The following NRXN3 variants were observed in gnomAD, a reference collection of about 807,000 sequenced individuals.
NRXN3 encodes the protein neurexin 3.
NRXN3 carries 32 observed loss-of-function variants against 137.6 expected under a neutral mutation model. The ratio of observed to expected loss-of-function variants is 0.23; its 90% CI spans 0.18 to 0.31. The LOEUF (loss-of-function observed/expected upper bound fraction) is 0.31. Ranked by LOEUF, NRXN3 falls within the 10% of genes least tolerant of loss-of-function variation. The probability of loss-of-function intolerance (pLI) is 1.00; values close to 1 mark genes in which losing one functional copy is unlikely to be tolerated. For synonymous variants in NRXN3, 798 were observed against 784.5 expected (o/e 1.02, Z -0.29); for missense variants, 1,574 against 2,062.5 (o/e 0.76, Z 4.59).
chr14:78,215,771 T>TTG (rs1555407630), intron 1 of NRXN3, among the ~76,000 whole-genome samples: 1 of 109,486 alleles, frequency 9.1e-6, no homozygotes, highest in Admixed American at 1.0e-4. Flanking sequence ...TGCAGGGGGG[T>TTG]GGGGGGGGCA....
intron 10 of NRXN3, among the ~76,000 whole-genome samples, chr14:78,901,379 T>C (rs1374028870): frequency 6.6e-6 from 1 of 152,044 alleles, no homozygotes; most frequent in Non-Finnish European, 1.5e-5. Flanking sequence ...TTTACATGTA[T>C]GTATTACCCC....
In NRXN3 at chr14:78,289,571, T is replaced by A. The variant is rs149241687; in HGVS notation, c.728-8260T>A. ...CCCTTATTATTTTACTCTCTGTTCA[T>A]GCCAAATGTGCTTGTTTTTTTTTTT... is the stretch of plus-strand genomic sequence containing the variant. On this transcript the variant is annotated intron_variant, in intron 3 of 20. Coordinates refer to ENST00000335750, the MANE Select transcript of NRXN3 (RefSeq NM_001330195.2). 2.1e-3 allele frequency among the ~76,000 whole-genome samples: 313 copies of A among 151,804 alleles called. 2 individuals carry two copies. The highest frequency in any genetic ancestry group is 7.3e-3 in the African/African-American group (301 of 41,134).
chr14:78,857,067 A>G (rs2099059407), intron 10 of NRXN3, among the ~76,000 whole-genome samples: 1 of 152,132 alleles, frequency 6.6e-6, no homozygotes, highest in Admixed American at 6.6e-5. Flanking sequence ...TCCCATGGTT[A>G]CATATGTTAT....
chr14:79,256,712 G>A (rs1161391000), intron 15 of NRXN3, among the ~76,000 whole-genome samples: 1 of 152,180 alleles, frequency 6.6e-6, no homozygotes, highest in Non-Finnish European at 1.5e-5. Context: ...AGCAGAGCAG[G>A]TGGCTTTCTC....
intron 15 of NRXN3, among the ~76,000 whole-genome samples, chr14:79,176,946 G>T (rs937600385): frequency 6.6e-6 from 1 of 152,208 alleles, no homozygotes; most frequent in African/African-American, 2.4e-5. Context: ...TGGATAGATG[G>T]ATGCATGGAC....
chr14:78,788,388 C>T (rs1002181723), intron 8 of NRXN3, among the ~76,000 whole-genome samples: 2 of 152,140 alleles, frequency 1.3e-5, no homozygotes, highest in Admixed American at 6.6e-5. Context: ...CTTTCTCCAC[C>T]CTTCTTCATT....
rs150062148 is a variant in NRXN3 at position 78,187,170 on chromosome 14, A to G, written c.-704+16496A>G. Among the ~76,000 whole-genome samples the G allele has an allele frequency of 5.7e-3, 865 of 152,306 alleles. 23 individuals carry two copies. The highest frequency in any genetic ancestry group is 2.3e-3 in the Non-Finnish European group (156 of 68,020). On this transcript the variant is annotated intron_variant, in intron 1 of 20. Coordinates refer to ENST00000335750, the MANE Select transcript of NRXN3 (RefSeq NM_001330195.2). ...TAGTGTCTTCACTTTACAAATGACAAAAACAGAGGCTCTGACAGGTTAAGT... is the reference window on the plus strand; with the variant it reads ...TAGTGTCTTCACTTTACAAATGACAGAAACAGAGGCTCTGACAGGTTAAGT...
At chr14:79,053,114 G>A (rs996478304) in intron 15 of NRXN3, among the ~76,000 whole-genome samples, 8 of 152,114 alleles carry the variant, frequency 5.3e-5, no homozygotes, top group Admixed American at 2.0e-4. Flanking sequence ...GAGATCTATG[G>A]ATGAAGAAGA....
intron 10 of NRXN3, among the ~76,000 whole-genome samples, chr14:78,856,916 A>G (rs962348072): frequency 6.6e-6 from 1 of 152,072 alleles, no homozygotes; most frequent in Non-Finnish European, 1.5e-5. Flanking sequence ...GTATTTTTGT[A>G]GAAACATGGT....
intron 16 of NRXN3, among the ~76,000 whole-genome samples, chr14:79,526,454 C>T (rs1400215507): frequency 6.6e-6 from 1 of 152,112 alleles, no homozygotes; most frequent in Non-Finnish European, 1.5e-5. Flanking sequence ...GTAGGTTTCC[C>T]AAAGCATGTG....
rs1194370132 is a variant in NRXN3 at position 78,990,107 on chromosome 14, T to C, written c.3262+1966T>C. 4.6e-5 allele frequency among the ~76,000 whole-genome samples: 7 copies of C among 152,208 alleles called. No individual in the cohort carries two copies. In the South Asian group the frequency reaches 8.3e-4, roughly 18 times the overall value. ...ATATAATGAAGCACTAGAACTTACA[T>C]TGGGAAAATGTCAGCTTTCCTTTGT... On this transcript the variant is annotated intron_variant, in intron 15 of 20. Transcript: ENST00000335750.
chr14:79,583,554 A>G lies in NRXN3; in HGVS notation c.3445-80224A>G, dbSNP rs536347620. The stretch of plus-strand genomic sequence containing the variant: ...GCTTTTGTTGGTGGAGGAAGAAGGA[A>G]GCCCCTACATGCATAGCAACGTCCA... On this transcript the variant is annotated intron_variant, in intron 16 of 20. Transcript: ENST00000335750. Among the ~76,000 whole-genome samples, 3 of 152,300 alleles carry G rather than the reference A, an allele frequency of 2.0e-5. No individual in the cohort carries two copies. The South Asian group carries it at 6.2e-4, about 32-fold the overall frequency.
chr14:79,120,299 G>A (rs1041115572), intron 15 of NRXN3, among the ~76,000 whole-genome samples: 22 of 152,274 alleles, frequency 1.4e-4, no homozygotes, highest in African/African-American at 4.6e-4. Context: ...GTGCAAATGA[G>A]TGTTGATTGT....
At chr14:78,461,188 C>T (rs902937540) in intron 4 of NRXN3, among the ~76,000 whole-genome samples, 1 of 152,172 alleles carries the variant, frequency 6.6e-6, no homozygotes, top group Admixed American at 6.5e-5. Flanking sequence ...TGCATGTGTT[C>T]GCATGCAACT....
chr14:78,480,160 C>A (rs536442819), intron 4 of NRXN3, among the ~76,000 whole-genome samples: 12 of 152,030 alleles, frequency 7.9e-5, no homozygotes, highest in Non-Finnish European at 1.3e-4. Flanking sequence ...AACAAAAAAC[C>A]CAAAAAAGAA....
chr14:79,178,282 C>A (rs1297382532), intron 15 of NRXN3, among the ~76,000 whole-genome samples: 1 of 152,182 alleles, frequency 6.6e-6, no homozygotes, highest in East Asian at 1.9e-4. Context: ...TATGTAATGA[C>A]CATCTGTGGT....
At chr14:79,275,914 T>C (rs1414760899) in intron 15 of NRXN3, among the ~76,000 whole-genome samples, 2 of 152,084 alleles carry the variant, frequency 1.3e-5, no homozygotes, top group Admixed American at 6.6e-5. Flanking sequence ...CCTGTGAAAT[T>C]ATTTATATTT....
intron 19 of NRXN3, among the ~76,000 whole-genome samples, chr14:79,793,160 G>A (rs1015165448): frequency 2.0e-5 from 3 of 152,014 alleles, no homozygotes; most frequent in African/African-American, 4.8e-5. Context: ...GGCCGGGCGC[G>A]GTGGCTCAAG....
chr14:78,566,015 T>C (rs560246439), intron 4 of NRXN3, among the ~76,000 whole-genome samples: 3 of 152,348 alleles, frequency 2.0e-5, no homozygotes, highest in South Asian at 2.1e-4. Context: ...CTGAACGTTA[T>C]GATTTTGCTT....
Sources: allele counts gnomAD v4.1 joint callset (sites outside exome capture counted in the v4.1 genomes callset), GRCh38; gene constraint gnomAD v4.1.1; transcripts MANE v1.5; gene names NCBI Gene and HGNC (gene_info 2026-07-23, HGNC 2026-07-21).